The following DAAM2 variants were observed in gnomAD, a reference collection of about 807,000 sequenced individuals.
The protein encoded by DAAM2 is disheveled-associated activator of morphogenesis 2.
In DAAM2, 39 loss-of-function variants were observed where a neutral mutation model predicts 120.7. The ratio of observed to expected loss-of-function variants is 0.32; its 90% CI spans 0.25 to 0.42. The LOEUF is 0.42. Ranked by LOEUF, DAAM2 falls within the 10% of genes least tolerant of loss-of-function variation. The pLI, the probability that DAAM2 is intolerant of heterozygous loss-of-function variation, is 1.00. For synonymous variants in DAAM2, 488 were observed against 524.9 expected, an observed-to-expected ratio of 0.93 and a Z score of 0.96; for missense variants, 1,283 against 1,401.7, an observed-to-expected ratio of 0.92 and a Z score of 1.35.
chr6:39,830,696 C>T (rs1481153115), intron 1 of DAAM2, among the ~76,000 whole-genome samples: 1 of 152,166 alleles, frequency 6.6e-6, no homozygotes, highest in Non-Finnish European at 1.5e-5. Context: ...TGCTCCTGCA[C>T]TCCCAAATGC....
At chr6:39,874,759 C>T (rs949771026) in intron 10 of DAAM2, among the ~76,000 whole-genome samples, 2 of 152,200 alleles carry the variant, frequency 1.3e-5, no homozygotes, top group African/African-American at 2.4e-5. Flanking sequence ...TGAGATCACA[C>T]ACAACACACT....
intron 1 of DAAM2, among the ~76,000 whole-genome samples, chr6:39,827,444 T>A (rs1762714465): frequency 6.6e-6 from 1 of 152,108 alleles, no homozygotes; most frequent in Admixed American, 6.5e-5. Flanking sequence ...ATCCAGGAGC[T>A]GAAGTGGGGC....
intron 11 of DAAM2, among the ~76,000 whole-genome samples, chr6:39,876,609 A>C (rs1284064633): frequency 6.6e-6 from 1 of 152,182 alleles, no homozygotes; most frequent in Non-Finnish European, 1.5e-5. Context: ...GAAATCTACA[A>C]CTAGGAGGAC....
At position 39,903,447 on chromosome 6, in the gene DAAM2, T is replaced by C. The variant is rs1766601083; in HGVS notation, c.*1410T>C. The stretch of plus-strand genomic sequence containing the variant: ...GCCACCTTCCATTTTGTCCATCTCA[T>C]GCTGGCCTTGGTGGATGGGATGGCT... On this transcript the variant is annotated 3_prime_UTR_variant, in exon 25 of 25. Coordinates refer to ENST00000274867, the MANE Select transcript of DAAM2 (RefSeq NM_001201427.2). 2 of 152,274 alleles carry C rather than the reference T, an allele frequency of 1.3e-5. No homozygotes were observed. The highest frequency in any genetic ancestry group is 4.1e-4 in the South Asian group (2 of 4,832). 9.4% of individuals were successfully genotyped at this position (152,274 alleles called of 1,614,324 possible).
intron 14 of DAAM2, chr6:39,883,586 C>T (rs538785491): frequency 3.9e-4 from 76 of 196,756 alleles, no homozygotes; most frequent in African/African-American, 7.5e-4. Flanking sequence ...CTCCAGGCAA[C>T]CTGCCCTTTA....
chr6:39,804,447 A>G lies in DAAM2; in HGVS notation c.-57+11982A>G, dbSNP rs116566008. ...ACTCATTCATTCATAGTCCATAAACAAGAACTTGGTTTAGATTCTTTCCTT... is the reference window on the plus strand; with the variant it reads ...ACTCATTCATTCATAGTCCATAAACGAGAACTTGGTTTAGATTCTTTCCTT... On this transcript the variant is annotated intron_variant, in intron 1 of 24. Coordinates refer to ENST00000274867, the MANE Select transcript of DAAM2 (RefSeq NM_001201427.2). Among the ~76,000 whole-genome samples, 1,349 of 152,272 alleles carry G rather than the reference A, an allele frequency of 8.9e-3. 19 individuals are homozygous for G. Among genetic ancestry groups the G allele is most frequent in the African/African-American group, 0.031 (1,285 of 41,536 alleles).
chr6:39,830,867 G>T (rs1762857596), intron 1 of DAAM2, among the ~76,000 whole-genome samples: 3 of 152,192 alleles, frequency 2.0e-5, no homozygotes, highest in Non-Finnish European at 4.4e-5. Context: ...TTGCATGGGG[G>T]AGGAGAGTCA....
In DAAM2 at chr6:39,873,093, T is replaced by C. The variant is rs1161482832; in HGVS notation, c.1045-145T>C. 2.1e-5 allele frequency: 13 copies of C among 623,484 alleles called. No homozygotes were observed. The Admixed American group carries it at 3.1e-4, about 15-fold the overall frequency. The allele number at this position is 623,484 out of a possible 1,614,324, so 38.6% of individuals were successfully genotyped here. A position where few individuals can be genotyped will look rare whatever the true frequency, so the allele number is the denominator to read the frequency against. ...TGACTATCTCCCTGTTCCTTTTGTC[T>C]TTCTCTTTTTAAGCCTGGGCCAGAG... On this transcript the variant is annotated intron_variant, in intron 9 of 24. Transcript: ENST00000274867.
chr6:39,894,230 G>C (rs1282249838), intron 19 of DAAM2, among the ~76,000 whole-genome samples: 3 of 151,986 alleles, frequency 2.0e-5, no homozygotes, highest in Non-Finnish European at 4.4e-5. Context: ...GATTTCCTTT[G>C]AACTCTTGTC....
intron 2 of DAAM2, 46 bp downstream of exon 2, chr6:39,856,516 G>T (rs577223147): frequency 1.5e-6 from 2 of 1,359,732 alleles, no homozygotes; most frequent in Admixed American, 6.7e-5. Context: ...GGAGGAGGGT[G>T]GATGGAGAGG....
chr6:39,808,993 A>G (rs1010961388), intron 1 of DAAM2, among the ~76,000 whole-genome samples: 7 of 152,258 alleles, frequency 4.6e-5, no homozygotes, highest in Non-Finnish European at 8.8e-5. Flanking sequence ...GGCTCCAGGC[A>G]GGAAGCAGTT....
rs918648453 is a variant in DAAM2, at chr6:39,793,885, A to G, written c.-57+1420A>G. Among the ~76,000 whole-genome samples the G allele has an allele frequency of 4.6e-5, 7 of 152,272 alleles. No individual in the cohort carries two copies. The East Asian group carries it at 1.4e-3, about 29-fold the overall frequency. ...CCAGGTCTCTGGTTTTGTATTTTGCAGTAGAGCCAACCTACAATGTCTGGG... is the reference window on the plus strand; with the variant it reads ...CCAGGTCTCTGGTTTTGTATTTTGCGGTAGAGCCAACCTACAATGTCTGGG... On this transcript the variant is annotated intron_variant, in intron 1 of 24. Transcript: ENST00000274867.
At chr6:39,823,949 T>C (rs1762578071) in intron 1 of DAAM2, among the ~76,000 whole-genome samples, 1 of 152,144 alleles carries the variant, frequency 6.6e-6, no homozygotes, top group African/African-American at 2.4e-5. Context: ...TGATGCTCCA[T>C]TGTATCTCCA....
chr6:39,847,381 AGTAACAGCAACCCC>A (rs1763637580), intron 1 of DAAM2, among the ~76,000 whole-genome samples: 1 of 152,150 alleles, frequency 6.6e-6, no homozygotes. Context: ...TGCGCCTTTC[AGTAACAGCAACCCC>A]GTCTGTGTGA....
chr6:39,893,719 C>T (rs1221401015), intron 19 of DAAM2, among the ~76,000 whole-genome samples: 2 of 152,148 alleles, frequency 1.3e-5, no homozygotes, highest in Non-Finnish European at 2.9e-5. Context: ...TCTCTTTCCT[C>T]TAAGAGCTAG....
intron 19 of DAAM2, among the ~76,000 whole-genome samples, chr6:39,893,447 G>A (rs1765866902): frequency 6.6e-6 from 1 of 152,098 alleles, no homozygotes; most frequent in Non-Finnish European, 1.5e-5. Flanking sequence ...GAACCCAGGA[G>A]GCGGAGCTGG....
chr6:39,884,941 T>C (rs1244468132), intron 15 of DAAM2: 1 of 152,160 alleles, frequency 6.6e-6, no homozygotes, highest in African/African-American at 2.4e-5. Flanking sequence ...AATGACCAGC[T>C]TAGAAGCCTC....
intron 1 of DAAM2, among the ~76,000 whole-genome samples, chr6:39,795,439 G>T (rs74690344): frequency 6.6e-6 from 1 of 152,100 alleles, no homozygotes; most frequent in Non-Finnish European, 1.5e-5. Flanking sequence ...ACCTAAATAC[G>T]AATTAGTAAC....
At position 39,891,617 on chromosome 6, in the gene DAAM2, GT is replaced by G. The variant is rs933990567; in HGVS notation, c.2253-15del. On this transcript the variant is annotated splice_polypyrimidine_tract_variant and intron_variant, in intron 18 of 24. Transcript: ENST00000274867. ...TAGGGGTGGGATACCTCAAGATATG[GT>G]TCACCTTGTCTACAGGATTGACCAC... is the stretch of plus-strand genomic sequence containing the variant. 7.5e-6 allele frequency: 12 copies of G among 1,607,224 alleles called. No individual in the cohort carries two copies. In the Admixed American group the frequency reaches 1.2e-4, roughly 16 times the overall value.
Sources: gnomAD v4.1 joint callset for allele counts (sites outside exome capture counted in the v4.1 genomes callset) on GRCh38, gnomAD v4.1.1 for gene constraint, MANE v1.5 for transcripts, NCBI Gene and HGNC (gene_info 2026-07-23, HGNC 2026-07-21) for gene names.